The following SGCZ variants were observed in gnomAD, a reference collection of about 807,000 sequenced individuals.
The protein encoded by SGCZ is zeta-sarcoglycan.
A neutral mutation model predicts 41.3 loss-of-function variants in SGCZ; 40 were observed. The ratio of observed to expected loss-of-function variants is 0.97; its 90% CI spans 0.75 to 1.26. The LOEUF is 1.26. Among genes scored for constraint, SGCZ ranks in the 50% most tolerant of loss-of-function variants. The pLI is 0.00. For missense variants in SGCZ, 552 were observed against 369.8 expected (o/e 1.49, Z -4.04); for synonymous variants, 206 against 137.5 (o/e 1.50, Z -3.49).
intron 4 of SGCZ, among the ~76,000 whole-genome samples, chr8:14,219,341 A>AGCATTT (rs1485784982): frequency 3.3e-5 from 5 of 152,200 alleles, no homozygotes; most frequent in African/African-American, 1.2e-4. Flanking sequence ...ATGCTCAACA[A>AGCATTT]GTTGATGAGA....
At chr8:14,785,078 T>C (rs941930093) in intron 1 of SGCZ, among the ~76,000 whole-genome samples, 1 of 149,024 alleles carries the variant, frequency 6.7e-6, no homozygotes, top group Non-Finnish European at 1.5e-5. Flanking sequence ...AAAAAGAAAA[T>C]TAGTAATAAA....
At chr8:14,437,766 A>G (rs1192442793) in intron 2 of SGCZ, among the ~76,000 whole-genome samples, 1 of 151,830 alleles carries the variant, frequency 6.6e-6, no homozygotes, top group Non-Finnish European at 1.5e-5. Context: ...CTGACTAAAA[A>G]TAAGTGTAAT....
At chr8:15,044,426 A>T (rs1804226604) in intron 1 of SGCZ, among the ~76,000 whole-genome samples, 1 of 152,196 alleles carries the variant, frequency 6.6e-6, no homozygotes. Context: ...TTTCTGTGAC[A>T]GTCTGCCTTT....
intron 1 of SGCZ, among the ~76,000 whole-genome samples, chr8:14,722,990 C>T (rs976975199): frequency 2.6e-5 from 4 of 152,142 alleles, no homozygotes; most frequent in Non-Finnish European, 5.9e-5. Context: ...AAATTCAAGT[C>T]ACGCAGATTC....
chr8:14,244,684 A>T (rs899044477), intron 3 of SGCZ, among the ~76,000 whole-genome samples: 14 of 151,794 alleles, frequency 9.2e-5, no homozygotes, highest in Admixed American at 3.9e-4. Context: ...TATCTTGGGC[A>T]GTATGGCCAT....
intron 1 of SGCZ, among the ~76,000 whole-genome samples, chr8:14,598,503 A>G (rs889068014): frequency 6.6e-6 from 1 of 151,948 alleles, no homozygotes; most frequent in African/African-American, 2.4e-5. Flanking sequence ...ATATATATAC[A>G]CAAACACATA....
At chr8:14,116,418 C>T (rs1802524846) in intron 5 of SGCZ, among the ~76,000 whole-genome samples, 2 of 151,928 alleles carry the variant, frequency 1.3e-5, no homozygotes, top group Non-Finnish European at 2.9e-5. Flanking sequence ...GTCTCTCTGC[C>T]GATGAGAAAA....
intron 2 of SGCZ, among the ~76,000 whole-genome samples, chr8:14,423,667 G>T (rs1799697205): frequency 6.6e-6 from 1 of 152,090 alleles, no homozygotes; most frequent in African/African-American, 2.4e-5. Context: ...GCCTGCCTTG[G>T]CCTCCCAAAG....
At chr8:14,400,861 G>A (rs1211238430) in intron 2 of SGCZ, among the ~76,000 whole-genome samples, 1 of 152,224 alleles carries the variant, frequency 6.6e-6, no homozygotes, top group East Asian at 1.9e-4. Context: ...AAGTTAATTT[G>A]CTTGTGGATC....
At chr8:14,322,131 A>G (rs182867575) in intron 3 of SGCZ, among the ~76,000 whole-genome samples, 2 of 152,254 alleles carry the variant, frequency 1.3e-5, no homozygotes, top group East Asian at 3.9e-4. Flanking sequence ...GATTTCGTTC[A>G]TGTTTATTTT....
At chr8:15,090,538 GA>G (rs1806119896) in intron 1 of SGCZ, among the ~76,000 whole-genome samples, 1 of 152,156 alleles carries the variant, frequency 6.6e-6, no homozygotes, top group South Asian at 2.1e-4. Context: ...CCTACTTCTA[GA>G]AACGCAATTC....
chr8:14,370,404 T>A (rs545606958), intron 2 of SGCZ, among the ~76,000 whole-genome samples: 1 of 152,014 alleles, frequency 6.6e-6, no homozygotes, highest in South Asian at 2.1e-4. Context: ...TATCAGATAC[T>A]ATGCCAAGCA....
intron 1 of SGCZ, among the ~76,000 whole-genome samples, chr8:14,586,197 C>G (rs1381684190): frequency 6.6e-6 from 1 of 151,848 alleles, no homozygotes; most frequent in Non-Finnish European, 1.5e-5. Context: ...ATATAAAATA[C>G]TTTTTGGGTT....
intron 1 of SGCZ, among the ~76,000 whole-genome samples, chr8:15,037,271 C>A (rs1803908328): frequency 6.6e-6 from 1 of 152,146 alleles, no homozygotes; most frequent in Non-Finnish European, 1.5e-5. Context: ...TGAGTTCTCA[C>A]AAAATCTAAT....
chr8:14,213,274 C>A (rs993608208), intron 4 of SGCZ, among the ~76,000 whole-genome samples: 2 of 152,024 alleles, frequency 1.3e-5, no homozygotes, highest in East Asian at 1.9e-4. Flanking sequence ...AGTAAAGACA[C>A]GCACACAAAA....
chr8:15,201,784 C>T (rs1800899074), intron 1 of SGCZ, among the ~76,000 whole-genome samples: 1 of 152,180 alleles, frequency 6.6e-6, no homozygotes, highest in South Asian at 2.1e-4. Context: ...ACTTGAAAAG[C>T]AGGATACAGA....
intron 1 of SGCZ, among the ~76,000 whole-genome samples, chr8:15,038,027 T>A (rs940439135): frequency 6.6e-6 from 1 of 152,126 alleles, no homozygotes; most frequent in African/African-American, 2.4e-5. Context: ...ATGTCCATAC[T>A]AACGGAAGCA....
chr8:15,138,406 C>A (rs922015853), intron 1 of SGCZ, among the ~76,000 whole-genome samples: 1 of 151,886 alleles, frequency 6.6e-6, no homozygotes, highest in Admixed American at 6.6e-5. Flanking sequence ...TGAATTGTGA[C>A]GACATGAGAT....
chr8:14,388,471 C>T (rs548283634), intron 2 of SGCZ, among the ~76,000 whole-genome samples: 4 of 152,078 alleles, frequency 2.6e-5, no homozygotes, highest in South Asian at 2.1e-4. Flanking sequence ...GAGATTATAC[C>T]ATCTATCTGA....
Sources: gnomAD v4.1 joint callset for allele counts (sites outside exome capture counted in the v4.1 genomes callset) on GRCh38, gnomAD v4.1.1 for gene constraint, MANE v1.5 for transcripts, NCBI Gene and HGNC (gene_info 2026-07-23, HGNC 2026-07-21) for gene names.